MCM9: variants seen among roughly 807,000 people sequenced by gnomAD.
MCM9 encodes DNA helicase MCM9.
A neutral mutation model predicts 72.8 loss-of-function variants in MCM9; 55 were observed. The ratio of observed to expected loss-of-function variants is 0.76; its 90% confidence interval spans 0.61 to 0.95. MCM9 has a LOEUF of 0.95. Among genes scored for constraint, MCM9 ranks in the 40% least tolerant of loss-of-function variants. The probability of loss-of-function intolerance (pLI) is 0.00; values close to 1 mark genes in which losing one functional copy is unlikely to be tolerated. For missense variants in MCM9, 1,279 were observed against 1,377.0 expected, an observed-to-expected ratio of 0.93 and a Z score of 1.13; for synonymous variants, 480 against 503.4, an observed-to-expected ratio of 0.95 and a Z score of 0.62.
At chr6:118,840,661 A>G (rs1228894776) in intron 9 of MCM9, among the ~76,000 whole-genome samples, 3 of 151,988 alleles carry the variant, frequency 2.0e-5, no homozygotes, top group African/African-American at 7.3e-5. Context: ...ATAAAACTAT[A>G]CTAATGGTAT....
chr6:118,908,354 C>T (rs949616483), intron 8 of MCM9: 6 of 151,976 alleles, frequency 3.9e-5, no homozygotes, highest in African/African-American at 1.4e-4. Context: ...AATACAATAT[C>T]GGGAGAAAAT....
At chr6:118,870,422 GTTT>G (rs36144679) in intron 8 of MCM9, among the ~76,000 whole-genome samples, 1 of 150,730 alleles carries the variant, frequency 6.6e-6, no homozygotes, top group African/African-American at 2.4e-5. Flanking sequence ...AAATTAATGG[GTTT>G]TTTTTTTTAT....
chr6:118,839,016 G>GT (rs1215663820), intron 9 of MCM9, among the ~76,000 whole-genome samples: 1 of 152,128 alleles, frequency 6.6e-6, no homozygotes, highest in African/African-American at 2.4e-5. Context: ...CCTGAAGTGT[G>GT]TTTTCCAACT....
Position 118,829,151 on chromosome 6 carries a change from G to T in MCM9, c.1425C>A (p.Leu475=). ...CAAATCGACTTAAGAGTGGGCTGCC[G>T]AGGGCAATGTTCACAGACACGGACT... ...PQESVSVNIA[L]GSPLLSRFDL... Residue 475 remains leucine, a synonymous_variant, in exon 10 of 14, where the codon CTC becomes CTA. Coordinates refer to ENST00000619706, the MANE Select transcript of MCM9 (RefSeq NM_017696.3). 6.4e-7 allele frequency: 1 copy of T among 1,550,554 alleles called. No individual in the cohort carries two copies. The highest frequency in any genetic ancestry group is 8.7e-7 in the Non-Finnish European group (1 of 1,146,978).
At chr6:118,882,520 A>G (rs922151084) in intron 8 of MCM9, among the ~76,000 whole-genome samples, 1 of 152,212 alleles carries the variant, frequency 6.6e-6, no homozygotes, top group Admixed American at 6.5e-5. Context: ...CTGGATTCAA[A>G]AAGTATCCCT....
chr6:118,911,788 A>G lies in MCM9; in HGVS notation c.1031-19T>C, dbSNP rs753719765. On this transcript the variant is annotated intron_variant, in intron 7 of 13. Transcript: ENST00000619706. ...GATTCTCCTAGGAAAAAGCAAATACATGAAGTTTTAAATTTCTATAAAAGG... is the reference window on the plus strand; with the variant it reads ...GATTCTCCTAGGAAAAAGCAAATACGTGAAGTTTTAAATTTCTATAAAAGG... 3.8e-6 allele frequency: 6 copies of G among 1,586,330 alleles called. No homozygotes were observed. Among genetic ancestry groups the G allele is most frequent in the South Asian group, 3.3e-5 (3 of 89,634 alleles).
chr6:118,815,772 T>C lies in MCM9; in HGVS notation c.2484A>G (p.Glu828=), dbSNP rs775812636. Residue 828 remains glutamate, a synonymous_variant, in exon 14 of 14, where the codon GAA becomes GAG. Coordinates refer to ENST00000619706, the MANE Select transcript of MCM9 (RefSeq NM_017696.3). ...CTGGTTTATCAGCAGAGACTGCTGC[T>C]TCAGAATCTAGTGCTAGCCTTTTTT... is the stretch of plus-strand genomic sequence containing the variant. ...NKKKRLALDS[E]AAVSADKPDS... is the part of the protein sequence containing the mutation. The C allele has an allele frequency of 1.3e-6, 2 of 1,541,350 alleles. No individual in the cohort carries two copies. The highest frequency in any genetic ancestry group is 2.4e-5 in the South Asian group (2 of 84,058).
chr6:118,871,976 A>T (rs912651225), intron 8 of MCM9, among the ~76,000 whole-genome samples: 1 of 152,118 alleles, frequency 6.6e-6, no homozygotes, highest in Non-Finnish European at 1.5e-5. Flanking sequence ...ATCTTAAAGG[A>T]TGGAAATCAT....
chr6:118,922,058 G>A lies in MCM9; in HGVS notation c.650C>T (p.Pro217Leu), dbSNP rs762983198. The A allele has an allele frequency of 1.9e-6, 3 of 1,612,228 alleles. No homozygotes were observed. Among genetic ancestry groups the A allele is most frequent in the East Asian group, 4.5e-5 (2 of 44,794 alleles). ...QVQRLSVGSI[P>L]RSMKVILEDD... ...TTCCAGAATAACCTTCATAGATCGT[G>A]GAATACTTCCAACAGATAGCCTTTG... The change falls in exon 5 of 14, where the codon CCA becomes CTA. Residue 217 changes from proline (P) to leucine (L), a missense_variant. By Grantham distance (98) the Pro-to-Leu change is moderately conservative. Transcript: ENST00000619706.
chr6:118,930,715 G>A (rs184738373), intron 3 of MCM9, among the ~76,000 whole-genome samples: 11 of 152,174 alleles, frequency 7.2e-5, no homozygotes, highest in Admixed American at 4.6e-4. Context: ...CTTCTCTTTC[G>A]CCACACTATG....
intron 9 of MCM9, among the ~76,000 whole-genome samples, chr6:118,844,383 C>T (rs1234986485): frequency 1.3e-5 from 2 of 151,590 alleles, no homozygotes; most frequent in African/African-American, 2.4e-5. Context: ...CATGAGTTAA[C>T]GTGGAACTTT....
chr6:118,859,209 T>C lies in MCM9; in HGVS notation c.1151-2664A>G, dbSNP rs146227576. 8.4e-3 allele frequency among the ~76,000 whole-genome samples: 1,275 copies of C among 152,308 alleles called. 7 individuals carry two copies. Among genetic ancestry groups the C allele is most frequent in the Non-Finnish European group, 0.014 (949 of 68,034 alleles). The stretch of plus-strand genomic sequence containing the variant: ...GTGCTGGAGTAACTGAATATCTTCA[T>C]GCAAGAAGAAAAAATGAATCTTGAT... On this transcript the variant is annotated intron_variant, in intron 8 of 13. Coordinates refer to ENST00000619706, the MANE Select transcript of MCM9 (RefSeq NM_017696.3).
At chr6:118,841,717 G>A (rs1456696192) in intron 9 of MCM9, among the ~76,000 whole-genome samples, 1 of 152,088 alleles carries the variant, frequency 6.6e-6, no homozygotes, top group Admixed American at 6.5e-5. Context: ...GGTTGTGAAT[G>A]TCTTGAGAAC....
Position 118,856,699 on chromosome 6 carries a change from C to T in MCM9, c.1151-154G>A, listed in dbSNP as rs1460267018. The T allele has an allele frequency of 6.5e-6, 5 of 765,068 alleles. No individual in the cohort carries two copies. In the African/African-American group the frequency reaches 7.1e-5, roughly 11 times the overall value. 47.4% of individuals were successfully genotyped at this position (765,068 alleles called of 1,614,324 possible). A position where few individuals can be genotyped will look rare whatever the true frequency, so the allele number is the denominator to read the frequency against. On this transcript the variant is annotated intron_variant, in intron 8 of 13. Coordinates refer to ENST00000619706, the MANE Select transcript of MCM9 (RefSeq NM_017696.3). Reference sequence around the variant, plus strand: ...TTCGAGGCCTGCCTGGACAACATGGCAAAACCTTGTCTCTACAAATAATTT... The same window carrying T: ...TTCGAGGCCTGCCTGGACAACATGGTAAAACCTTGTCTCTACAAATAATTT...
intron 8 of MCM9, among the ~76,000 whole-genome samples, chr6:118,887,221 T>G (rs1778659837): frequency 6.6e-6 from 1 of 152,108 alleles, no homozygotes; most frequent in African/African-American, 2.4e-5. Context: ...GACTCACACT[T>G]CCTGCTTTCA....
chr6:118,854,316 G>A (rs1562411577), intron 9 of MCM9, among the ~76,000 whole-genome samples: 1 of 152,152 alleles, frequency 6.6e-6, no homozygotes, highest in Non-Finnish European at 1.5e-5. Context: ...GGAAAACACT[G>A]TCTTTCACCA....
chr6:118,843,544 C>T (rs951044332), intron 9 of MCM9, among the ~76,000 whole-genome samples: 17 of 149,612 alleles, frequency 1.1e-4, no homozygotes, highest in Non-Finnish European at 3.0e-5. Context: ...AGGAGACTTG[C>T]TTGAACCCGG....
At chr6:118,922,940 G>A (rs990048538) in intron 4 of MCM9, among the ~76,000 whole-genome samples, 4 of 147,198 alleles carry the variant, frequency 2.7e-5, no homozygotes, top group African/African-American at 1.0e-4. Flanking sequence ...GCTAAGACAG[G>A]AGAAATGCTT....
chr6:118,826,618 G>A (rs1222070647), intron 12 of MCM9, among the ~76,000 whole-genome samples, 164 bp downstream of exon 12: 3 of 152,044 alleles, frequency 2.0e-5, no homozygotes, highest in African/African-American at 7.2e-5. Flanking sequence ...CCAGGACACT[G>A]TTTCCTCTTC....
Sources: gnomAD v4.1 joint callset for allele counts (sites outside exome capture counted in the v4.1 genomes callset) on GRCh38, gnomAD v4.1.1 for gene constraint, MANE v1.5 for transcripts, NCBI Gene and HGNC (gene_info 2026-07-23, HGNC 2026-07-21) for gene names.